Variants in RSPH4A observed in about 807,000 individuals in gnomAD.
The protein encoded by RSPH4A is radial spoke head component 4A, also known as radial spoke head protein 4 homolog A.
In RSPH4A, 47 loss-of-function variants were observed where a neutral mutation model predicts 71.0. The observed-to-expected ratio is 0.66, with a 90% CI of 0.52 to 0.84. The LOEUF (loss-of-function observed/expected upper bound fraction) is 0.84, where lower values mean the gene tolerates loss of function less well. Ranked by LOEUF, RSPH4A falls within the 40% of genes least tolerant of loss-of-function variation. The pLI is 0.00. For missense variants in RSPH4A, 793 were observed against 855.2 expected, an observed-to-expected ratio of 0.93 and a Z score of 0.91; for synonymous variants, 282 against 302.3, an observed-to-expected ratio of 0.93 and a Z score of 0.70.
At chr6:116,626,378 G>A (rs189052303) in intron 2 of RSPH4A, among the ~76,000 whole-genome samples, 1 of 151,192 alleles carries the variant, frequency 6.6e-6, no homozygotes, top group African/African-American at 2.4e-5. Flanking sequence ...TTTTGAGACC[G>A]TCACCCAGGC....
chr6:116,628,433 T>C, intron 3 of RSPH4A, 64 bp downstream of exon 3: 3 of 1,285,296 alleles, frequency 2.3e-6, no homozygotes, highest in Non-Finnish European at 3.4e-6. Flanking sequence ...ATGGTCACTA[T>C]AATGCACAAA....
At chr6:116,619,757 C>T (rs375481538) in intron 1 of RSPH4A, among the ~76,000 whole-genome samples, 6 of 152,066 alleles carry the variant, frequency 3.9e-5, no homozygotes, top group Non-Finnish European at 8.8e-5. Context: ...CTCACTCTGT[C>T]GCCCAGGCTG....
At chr6:116,629,318 A>G (rs950438443) in intron 3 of RSPH4A, among the ~76,000 whole-genome samples, 1 of 152,250 alleles carries the variant, frequency 6.6e-6, no homozygotes, top group African/African-American at 2.4e-5. Flanking sequence ...ATTTTAAAAT[A>G]TAAGTGATAA....
intron 4 of RSPH4A, among the ~76,000 whole-genome samples, 198 bp from the exon 5 acceptor site, chr6:116,630,237 A>G (rs1478376722): frequency 6.6e-6 from 1 of 152,172 alleles, no homozygotes; most frequent in East Asian, 1.9e-4. Context: ...GTATATTTCA[A>G]ATTCCATTGT....
intron 1 of RSPH4A, among the ~76,000 whole-genome samples, chr6:116,621,993 C>T (rs1775617141): frequency 6.6e-6 from 1 of 152,014 alleles, no homozygotes; most frequent in African/African-American, 2.4e-5. Context: ...TAATGAATTA[C>T]TGAGAGGATA....
chr6:116,625,414 A>G (rs1583349434), intron 2 of RSPH4A, among the ~76,000 whole-genome samples: 1 of 152,208 alleles, frequency 6.6e-6, no homozygotes, highest in East Asian at 1.9e-4. Context: ...AAGCAAACAG[A>G]GTGCTTAAAG....
rs1460690030 is a variant in RSPH4A, at chr6:116,617,126, A to G, written c.503A>G (p.Tyr168Cys). The change falls in exon 1 of 6, where the codon TAT becomes TGT. Residue 168 changes from tyrosine to cysteine, a missense_variant. Coordinates refer to ENST00000229554, the MANE Select transcript of RSPH4A (RefSeq NM_001010892.3). ...PHLCGRRDVSYNNAKQKELRF... is the reference protein window; with the variant it reads ...PHLCGRRDVSCNNAKQKELRF... ...CTGTGTGGACGAAGGGACGTGAGCT[A>G]TAACAACGCTAAACAGAAAGAGCTG... 3.7e-6 allele frequency: 6 copies of G among 1,614,114 alleles called. No homozygotes were observed. The highest frequency in any genetic ancestry group is 4.5e-5 in the East Asian group (2 of 44,892).
chr6:116,622,341 T>G (rs784128), intron 1 of RSPH4A, among the ~76,000 whole-genome samples: 32,617 of 152,168 alleles, frequency 0.21, 3,822 homozygotes, highest in Non-Finnish European at 0.28. Context: ...TAATCACTTT[T>G]AAATATATAA....
chr6:116,630,126 A>T (rs1021713335), intron 4 of RSPH4A, among the ~76,000 whole-genome samples: 1 of 152,184 alleles, frequency 6.6e-6, no homozygotes, highest in Non-Finnish European at 1.5e-5. Flanking sequence ...TATTCATATT[A>T]ATGATGTACC....
chr6:116,623,083 A>G, intron 2 of RSPH4A, 81 bp downstream of exon 2: 2 of 897,858 alleles, frequency 2.2e-6, no homozygotes, highest in Non-Finnish European at 3.6e-6. Flanking sequence ...ATTCATACCA[A>G]CTGTATTTTA....
At chr6:116,625,274 A>T (rs1213819371) in intron 2 of RSPH4A, among the ~76,000 whole-genome samples, 1 of 152,214 alleles carries the variant, frequency 6.6e-6, no homozygotes, top group Non-Finnish European at 1.5e-5. Context: ...GCCATGAAGG[A>T]TAAGCAGGAG....
chr6:116,617,952 C>G (rs1775538758), intron 1 of RSPH4A, among the ~76,000 whole-genome samples: 1 of 150,096 alleles, frequency 6.7e-6, no homozygotes, highest in African/African-American at 2.4e-5. Flanking sequence ...GAACTTATGA[C>G]ATGTATAGAT....
chr6:116,627,450 C>A (rs1437604690), intron 2 of RSPH4A, among the ~76,000 whole-genome samples, 179 bp from the exon 3 acceptor site: 1 of 152,110 alleles, frequency 6.6e-6, no homozygotes, highest in Admixed American at 6.5e-5. Flanking sequence ...CCAGCCTTAG[C>A]CTCCCAAAGT....
intron 1 of RSPH4A, among the ~76,000 whole-genome samples, chr6:116,620,569 T>A (rs917319474): frequency 1.2e-4 from 19 of 152,206 alleles, no homozygotes; most frequent in South Asian, 2.1e-4. Flanking sequence ...TCCATTTTTT[T>A]AAAAATAAAT....
intron 5 of RSPH4A, 143 bp from the exon 6 acceptor site, chr6:116,632,064 A>C: frequency 1.6e-6 from 1 of 610,584 alleles, no homozygotes; most frequent in Non-Finnish European, 2.9e-6. Context: ...ATTGAGGAAT[A>C]TTTCACTTCT....
intron 1 of RSPH4A, among the ~76,000 whole-genome samples, chr6:116,621,546 T>C (rs1488508660): frequency 6.6e-6 from 1 of 152,132 alleles, no homozygotes; most frequent in Non-Finnish European, 1.5e-5. Flanking sequence ...GAAATATATA[T>C]GTATAAAATT....
In RSPH4A at chr6:116,628,164, C is replaced by A. The variant is rs767972956; in HGVS notation, c.1457C>A (p.Ala486Glu). 1.9e-6 allele frequency: 3 copies of A among 1,613,994 alleles called. No individual in the cohort carries two copies. The highest frequency in any genetic ancestry group is 2.5e-6 in the Non-Finnish European group (3 of 1,180,034). Residue 486 changes from alanine to glutamate, a missense_variant, in exon 3 of 6, where the codon GCA becomes GAA. Transcript: ENST00000229554. Reference protein sequence around the residue: ...FPGNESNYLRAQIARISAGTH... With the variant: ...FPGNESNYLREQIARISAGTH... Reference sequence around the variant, plus strand: ...GGAAATGAGAGTAATTATTTACGAGCACAAATTGCCCGAATTTCAGCAGGA... The same window carrying A: ...GGAAATGAGAGTAATTATTTACGAGAACAAATTGCCCGAATTTCAGCAGGA...
intron 1 of RSPH4A, among the ~76,000 whole-genome samples, chr6:116,618,346 T>C (rs546982777): frequency 6.6e-6 from 1 of 152,380 alleles, no homozygotes; most frequent in Non-Finnish European, 1.5e-5. Context: ...TTTTAATATC[T>C]GACTCTCCCA....
intron 2 of RSPH4A, among the ~76,000 whole-genome samples, chr6:116,625,904 G>A (rs78256732): frequency 0.016 from 2,466 of 152,304 alleles, 36 homozygotes; most frequent in Middle Eastern, 0.034. Flanking sequence ...AGAAATATGT[G>A]TAGAATATGG....
Sources: allele counts gnomAD v4.1 joint callset (sites outside exome capture counted in the v4.1 genomes callset), GRCh38; gene constraint gnomAD v4.1.1; transcripts MANE v1.5; gene names NCBI Gene and HGNC (gene_info 2026-07-23, HGNC 2026-07-21).